Variants in PRKCH observed in about 807,000 individuals in gnomAD.
PRKCH encodes protein kinase C eta, also known as protein kinase C eta type.
A neutral mutation model predicts 82.5 loss-of-function variants in PRKCH; 28 were observed. The ratio of observed to expected loss-of-function variants is 0.34; its 90% CI spans 0.25 to 0.47. The LOEUF (loss-of-function observed/expected upper bound fraction) is 0.47. Among genes scored for constraint, PRKCH ranks in the 20% least tolerant of loss-of-function variants. The probability of loss-of-function intolerance (pLI) is 1.00; values close to 1 mark genes in which losing one functional copy is unlikely to be tolerated. For synonymous variants in PRKCH, 322 were observed against 327.4 expected (o/e 0.98, Z 0.18); for missense variants, 705 against 881.8 (o/e 0.80, Z 2.54).
chr14:61,238,046 A>G (rs555976353), intron 1 of PRKCH, among the ~76,000 whole-genome samples: 5 of 152,370 alleles, frequency 3.3e-5, no homozygotes, highest in South Asian at 4.1e-4. Flanking sequence ...AAGTAGTAAC[A>G]GTCTGTTTAT....
At chr14:61,417,400 A>G (rs1456312767) in intron 2 of PRKCH, among the ~76,000 whole-genome samples, 2 of 152,206 alleles carry the variant, frequency 1.3e-5, no homozygotes, top group African/African-American at 2.4e-5. Flanking sequence ...TCAGTGCAGC[A>G]CAGCAGAGAC....
chr14:61,210,239 G>A (rs1294629049), intron 1 of PRKCH, among the ~76,000 whole-genome samples: 6 of 149,360 alleles, frequency 4.0e-5, no homozygotes, highest in Non-Finnish European at 5.9e-5. Context: ...GCTTGAACCC[G>A]GGAGGCGGAG....
rs150448932 is a variant in PRKCH at position 61,522,730 on chromosome 14, CTT to C, written c.1434-6344_1434-6343del. Among the ~76,000 whole-genome samples, 1,171 of 152,318 alleles carry C rather than the reference CTT, an allele frequency of 7.7e-3. 18 individuals are homozygous for C. The highest frequency in any genetic ancestry group is 0.027 in the African/African-American group (1,112 of 41,558). On this transcript the variant is annotated intron_variant, in intron 10 of 13. Coordinates refer to ENST00000332981, the MANE Select transcript of PRKCH (RefSeq NM_006255.5). Reference sequence around the variant, plus strand: ...ATTTAGTTGTGTGGTGATCTGTCTGCTTCTCCCACCAGACATTAACCCCCTTG... The same window carrying C: ...ATTTAGTTGTGTGGTGATCTGTCTGCCTCCCACCAGACATTAACCCCCTTG...
At chr14:61,444,904 G>A (rs1884148350) in intron 3 of PRKCH, among the ~76,000 whole-genome samples, 1 of 152,206 alleles carries the variant, frequency 6.6e-6, no homozygotes, top group South Asian at 2.1e-4. Flanking sequence ...GTTATCATTA[G>A]TCCCTTTTAT....
chr14:61,372,877 G>C (rs1372897847), intron 1 of PRKCH, among the ~76,000 whole-genome samples: 1 of 151,894 alleles, frequency 6.6e-6, no homozygotes, highest in Non-Finnish European at 1.5e-5. Flanking sequence ...TACCATTATA[G>C]TATCATAGAG....
intron 1 of PRKCH, among the ~76,000 whole-genome samples, chr14:61,345,126 C>T (rs957281873): frequency 3.9e-5 from 6 of 152,122 alleles, no homozygotes; most frequent in African/African-American, 9.7e-5. Flanking sequence ...GGTAACAAGT[C>T]TAAGATATTT....
chr14:61,535,462 C>T lies in PRKCH; in HGVS notation c.1761+4867C>T, dbSNP rs370721387. The stretch of plus-strand genomic sequence containing the variant: ...TGGAGGAGATGACATTTAATAAAGG[C>T]TGAAGAGAAATGAGGCTTGAAAGTG... On this transcript the variant is annotated intron_variant, in intron 12 of 13. Coordinates refer to ENST00000332981, the MANE Select transcript of PRKCH (RefSeq NM_006255.5). Among the ~76,000 whole-genome samples, 19 of 152,280 alleles carry T rather than the reference C, an allele frequency of 1.2e-4. No individual in the cohort carries two copies. In the East Asian group the frequency reaches 1.7e-3, roughly 14 times the overall value.
chr14:61,287,722 A>G (rs2045327711), intron 1 of PRKCH, among the ~76,000 whole-genome samples: 1 of 152,028 alleles, frequency 6.6e-6, no homozygotes, highest in South Asian at 2.1e-4. Flanking sequence ...GGAAAAAAAA[A>G]AAAGAAACTG....
chr14:61,387,822 T>C (rs2046611151), intron 1 of PRKCH, among the ~76,000 whole-genome samples: 1 of 152,236 alleles, frequency 6.6e-6, no homozygotes, highest in South Asian at 2.1e-4. Flanking sequence ...AGCATGTTCA[T>C]ATTTTCTGTT....
intron 1 of PRKCH, among the ~76,000 whole-genome samples, chr14:61,287,919 G>A (rs1473933381): frequency 6.6e-6 from 1 of 152,100 alleles, no homozygotes. Context: ...TCACCTCAGC[G>A]ACCTCAGACT....
chr14:61,456,220 A>G (rs1308117770), intron 7 of PRKCH, among the ~76,000 whole-genome samples: 1 of 152,142 alleles, frequency 6.6e-6, no homozygotes, highest in Non-Finnish European at 1.5e-5. Context: ...AGGTAGGGAG[A>G]GGCTGGGTAG....
intron 1 of PRKCH, among the ~76,000 whole-genome samples, chr14:61,217,217 T>C (rs952784051): frequency 1.3e-5 from 2 of 152,036 alleles, no homozygotes; most frequent in Non-Finnish European, 2.9e-5. Context: ...GGTGAGTCTC[T>C]CCCATCTCTA....
At chr14:61,215,806 A>T (rs2044612024) in intron 1 of PRKCH, among the ~76,000 whole-genome samples, 1 of 152,134 alleles carries the variant, frequency 6.6e-6, no homozygotes, top group Non-Finnish European at 1.5e-5. Context: ...AGATATTTAG[A>T]AGTATGTGCC....
intron 12 of PRKCH, among the ~76,000 whole-genome samples, chr14:61,542,361 T>G (rs1454985471): frequency 7.1e-5 from 7 of 98,502 alleles, no homozygotes; most frequent in Non-Finnish European, 1.8e-4. Context: ...AGAAAAGGTT[T>G]TCTGTCAGGA....
intron 1 of PRKCH, among the ~76,000 whole-genome samples, chr14:61,339,082 C>G (rs193119814): frequency 1.3e-3 from 205 of 152,146 alleles, no homozygotes; most frequent in African/African-American, 4.7e-3. Flanking sequence ...CACCACTTTC[C>G]CTTTTAAGCC....
intron 1 of PRKCH, among the ~76,000 whole-genome samples, chr14:61,201,325 A>G (rs1161225364): frequency 6.6e-6 from 1 of 152,184 alleles, no homozygotes; most frequent in Non-Finnish European, 1.5e-5. Context: ...GCATAGAGAG[A>G]TTGAGTAACT....
intron 10 of PRKCH, among the ~76,000 whole-genome samples, chr14:61,502,060 CT>C (rs1187785013): frequency 3.3e-5 from 2 of 60,934 alleles, no homozygotes; most frequent in Admixed American, 1.8e-4. Context: ...CTTTTCTTTT[CT>C]TTTCTTTTTT....
At chr14:61,366,752 T>C (rs2046301263) in intron 1 of PRKCH, among the ~76,000 whole-genome samples, 1 of 152,096 alleles carries the variant, frequency 6.6e-6, no homozygotes, top group African/African-American at 2.4e-5. Flanking sequence ...AGCATCTCTG[T>C]ACTTTATGTT....
intron 1 of PRKCH, among the ~76,000 whole-genome samples, chr14:61,309,909 G>C (rs1405665301): frequency 1.3e-5 from 2 of 150,956 alleles, no homozygotes; most frequent in African/African-American, 4.9e-5. Context: ...TGGCAGAAGG[G>C]GAAGCAGGCA....
Sources: allele counts gnomAD v4.1 joint callset (sites outside exome capture counted in the v4.1 genomes callset), GRCh38; gene constraint gnomAD v4.1.1; transcripts MANE v1.5; gene names NCBI Gene and HGNC (gene_info 2026-07-23, HGNC 2026-07-21).